Variants in ERBB2 observed in about 807,000 individuals in gnomAD.
The protein encoded by ERBB2 is receptor tyrosine-protein kinase erbB-2.
In ERBB2, 61 loss-of-function variants were observed where a neutral mutation model predicts 149.0. The ratio of observed to expected loss-of-function variants is 0.41; its 90% confidence interval spans 0.33 to 0.51. ERBB2 has a LOEUF of 0.51. ERBB2 is among the 20% of genes least tolerant of loss of function. The pLI is 0.25. For missense variants in ERBB2, 1,205 were observed against 1,655.1 expected, an observed-to-expected ratio of 0.73 and a Z score of 4.72; for synonymous variants, 633 against 678.8, an observed-to-expected ratio of 0.93 and a Z score of 1.05.
upstream of ERBB2, among the ~76,000 whole-genome samples, chr17:39,695,534 C>T (rs2057837879): frequency 6.6e-6 from 1 of 152,132 alleles, no homozygotes; most frequent in African/African-American, 2.4e-5. Flanking sequence ...ACAGTCACTT[C>T]CCCAGCAACC....
At chr17:39,691,798 G>A (rs1359744863), upstream of ERBB2, among the ~76,000 whole-genome samples, 1 of 148,528 alleles carries the variant, frequency 6.7e-6, no homozygotes, top group Non-Finnish European at 1.5e-5. Flanking sequence ...GCCATACAAT[G>A]GAAGGCTGAA....
exon 1 of ERBB2, chr17:39,688,182 C>T (rs1483875747): frequency 1.1e-5 from 6 of 545,144 alleles, no homozygotes; most frequent in Non-Finnish European, 1.4e-5. Context: ...CCTCGTCCCC[C>T]TGCTGTGTCC....
At chr17:39,717,249 C>T in intron 14 of ERBB2, 71 bp from the exon 15 acceptor site, 3 of 1,354,294 alleles carry the variant, frequency 2.2e-6, no homozygotes, top group Non-Finnish European at 3.0e-6. Flanking sequence ...GGGGACCCAA[C>T]TAAGGGCCTG....
upstream of ERBB2, among the ~76,000 whole-genome samples, chr17:39,691,934 C>CATACATAT (rs1555611743): frequency 8.3e-6 from 1 of 120,884 alleles, no homozygotes; most frequent in Non-Finnish European, 1.6e-5. Context: ...TATACATATA[C>CATACATAT]ATATATATAT....
rs761983650 is a variant in ERBB2, at chr17:39,716,434, G to A, written c.1646+1G>A. 1.2e-6 allele frequency: 2 copies of A among 1,612,656 alleles called. No homozygotes were observed. Among genetic ancestry groups the A allele is most frequent in the Non-Finnish European group, 1.7e-6 (2 of 1,178,884 alleles). On this transcript the variant is annotated splice_donor_variant, in intron 13 of 26. Transcript: ENST00000269571. LOFTEE classifies it high-confidence loss of function. The stretch of plus-strand genomic sequence containing the variant: ...TGGAGGAATGCCGAGTACTGCAGGG[G>A]TATGAGGGGCGGAGGAGAGGGTGGC...
Position 39,723,343 on chromosome 17 carries a change from G to C in ERBB2, c.1971G>C (p.Ala657=), listed in dbSNP as rs2145802960. 6.2e-7 allele frequency: 1 copy of C among 1,613,990 alleles called. No individual in the cohort carries two copies. Among genetic ancestry groups the C allele is most frequent in the Non-Finnish European group, 8.5e-7 (1 of 1,180,000 alleles). ...GCCCTCTGACGTCCATCATCTCTGC[G>C]GTGGTTGGCATTCTGCTGGTCGTGG... is the stretch of plus-strand genomic sequence containing the variant. ...RASPLTSIIS[A]VVGILLVVVL... is the part of the protein sequence containing the mutation. The change falls in exon 17 of 27, where the codon GCG becomes GCC. Residue 657 remains alanine, a synonymous_variant. Coordinates refer to ENST00000269571, the MANE Select transcript of ERBB2 (RefSeq NM_004448.4). The surrounding 1 kb of genome is among the most constrained non-coding windows in gnomAD (Gnocchi z 6.2).
upstream of ERBB2, chr17:39,699,570 G>T: frequency 6.5e-7 from 1 of 1,531,352 alleles, no homozygotes; most frequent in Non-Finnish European, 8.7e-7. Flanking sequence ...ATGCCCCGGG[G>T]GTCCTGGAAG....
At chr17:39,709,989 T>A in intron 5 of ERBB2, 97 bp from the exon 6 acceptor site, 1 of 1,497,954 alleles carries the variant, frequency 6.7e-7, no homozygotes, top group Non-Finnish European at 9.2e-7. Context: ...GCTTGGGATG[T>A]CTCCCCTGGG....
At position 39,723,321 on chromosome 17, in the gene ERBB2, C is replaced by G; in HGVS notation, c.1949C>G (p.Pro650Arg). The change falls in exon 17 of 27, where the codon CCT (proline) becomes CGT (arginine). Residue 650 changes from proline (P) to arginine (R), a missense_variant and splice_region_variant. Physicochemically the swap from Pro to Arg is moderately radical, Grantham distance 103. Around this residue, in one of 6 missense-constraint regions of ERBB2, gnomAD observed 569 missense variants for 803.5 expected, o/e 0.71. Transcript: ENST00000269571. This position sits in a 1 kb window ranked among gnomAD's most constrained non-coding sequence, Gnocchi z 6.2. ...KGCPAEQRAS[P>R]LTSIISAVVG... Reference sequence around the variant, plus strand: ...CTGACCCTGGCTTCCGCCCCCAGCCCTCTGACGTCCATCATCTCTGCGGTG... The same window carrying G: ...CTGACCCTGGCTTCCGCCCCCAGCCGTCTGACGTCCATCATCTCTGCGGTG... The G allele has an allele frequency of 2.5e-6, 4 of 1,614,122 alleles. No homozygotes were observed. The highest frequency in any genetic ancestry group is 1.3e-5 in the African/African-American group (1 of 75,058).
At chr17:39,715,406 G>T in intron 10 of ERBB2, 40 bp from the exon 11 acceptor site, 1 of 1,613,504 alleles carries the variant, frequency 6.2e-7, no homozygotes, top group Non-Finnish European at 8.5e-7. Context: ...GGGAGTCCTT[G>T]TCCTGTCCCC....
At position 39,727,188 on chromosome 17, in the gene ERBB2, C is replaced by A; in HGVS notation, c.3160-107C>A. The A allele has an allele frequency of 7.0e-7, 1 of 1,419,742 alleles. No individual in the cohort carries two copies. Among genetic ancestry groups the A allele is most frequent in the Admixed American group, 2.1e-5 (1 of 48,094 alleles). The allele number at this position is 1,419,742 out of a possible 1,614,324, so 87.9% of individuals were successfully genotyped here. A position where few individuals can be genotyped will look rare whatever the true frequency, so the allele number is the denominator to read the frequency against. On this transcript the variant is annotated intron_variant, in intron 25 of 26. Transcript: ENST00000269571. The surrounding 1 kb of genome is among the most constrained non-coding windows in gnomAD (Gnocchi z 4.3). ...TTCTCTCCACGGTGACTGTGTCATA[C>A]CCCAAAGGTGACCTCTGTTTTTCTC...
intron 15 of ERBB2, 75 bp downstream of exon 15, chr17:39,717,555 G>A (rs2145716591): frequency 1.6e-6 from 2 of 1,231,196 alleles, no homozygotes; most frequent in Non-Finnish European, 2.3e-6. Context: ...TACTATAAAA[G>A]GGGACCAACT....
intron 1 of ERBB2, among the ~76,000 whole-genome samples, chr17:39,706,432 G>C (rs1005141279): frequency 6.6e-6 from 1 of 152,192 alleles, no homozygotes; most frequent in African/African-American, 2.4e-5. Context: ...AGCCCCGGTT[G>C]TCCCATGCCT....
Position 39,700,090 on chromosome 17 carries a change from G to A in ERBB2, c.-149G>A. On this transcript the variant is annotated 5_prime_UTR_variant, in exon 1 of 27. Coordinates refer to ENST00000269571, the MANE Select transcript of ERBB2 (RefSeq NM_004448.4). ...CCCTCCATTGGGACCGGAGAAACCA[G>A]GGGAGCCCCCCGGGCAGCCGCGCGC... 2.3e-6 allele frequency: 3 copies of A among 1,278,306 alleles called. No individual in the cohort carries two copies. The highest frequency in any genetic ancestry group is 3.0e-6 in the Non-Finnish European group (3 of 1,016,056). The allele number at this position is 1,278,306 out of a possible 1,614,324, so 79.2% of individuals were successfully genotyped here. A position where few individuals can be genotyped will look rare whatever the true frequency, so the allele number is the denominator to read the frequency against.
intron 7 of ERBB2, 82 bp from the exon 8 acceptor site, chr17:39,711,846 C>T: frequency 6.4e-7 from 1 of 1,560,056 alleles, no homozygotes; most frequent in Non-Finnish European, 8.8e-7. Context: ...TATTATTCTT[C>T]TTGTGCCTGG....
chr17:39,697,349 G>GTTTTTTTTTTT (rs1452125824), upstream of ERBB2, among the ~76,000 whole-genome samples: 14 of 132,326 alleles, frequency 1.1e-4, no homozygotes, highest in African/African-American at 2.6e-4. Flanking sequence ...TTGTTTTTTT[G>GTTTTTTTTTTT]TTTTGTTTTT....
chr17:39,709,687 G>T, intron 4 of ERBB2, 126 bp from the exon 5 acceptor site: 1 of 1,021,904 alleles, frequency 9.8e-7, no homozygotes, highest in East Asian at 2.5e-5. Flanking sequence ...CAGCCTGTCT[G>T]GGTCCCTCCC....
chr17:39,710,520 G>A (rs2145528106), intron 7 of ERBB2, 39 bp downstream of exon 7: 5 of 1,612,146 alleles, frequency 3.1e-6, no homozygotes, highest in Non-Finnish European at 3.4e-6. Context: ...TCATTTTGGT[G>A]GGGAGGTTTG....
At chr17:39,697,271 T>C (rs989979829), upstream of ERBB2, among the ~76,000 whole-genome samples, 3 of 152,138 alleles carry the variant, frequency 2.0e-5, no homozygotes, top group East Asian at 5.8e-4. Flanking sequence ...AATAAGTTAA[T>C]TTTACATTAT....
Sources: allele counts gnomAD v4.1 joint callset (sites outside exome capture counted in the v4.1 genomes callset), GRCh38; gene constraint gnomAD v4.1.1; regional missense constraint gnomAD v4.1.1; non-coding constraint Gnocchi (gnomAD v3.1); transcripts MANE v1.5; gene names NCBI Gene and HGNC (gene_info 2026-07-23, HGNC 2026-07-21).